Variants in KIF1C observed in about 807,000 individuals in gnomAD.
KIF1C encodes kinesin family member 1C, also known as kinesin-like protein KIF1C.
A neutral mutation model predicts 126.5 loss-of-function variants in KIF1C; 61 were observed. The ratio of observed to expected loss-of-function variants is 0.48; its 90% CI spans 0.39 to 0.60. The LOEUF (loss-of-function observed/expected upper bound fraction) is 0.60. Ranked by LOEUF, KIF1C falls within the 20% of genes least tolerant of loss-of-function variation. The pLI is 0.00. For synonymous variants in KIF1C, 640 were observed against 580.6 expected, an observed-to-expected ratio of 1.10 and a Z score of -1.47; for missense variants, 1,315 against 1,489.2, an observed-to-expected ratio of 0.88 and a Z score of 1.93.
chr17:5,027,484 G>T lies in KIF1C; in HGVS notation c.*3333G>T. ...TTGCTATGTTGCCCAGGCTGAACTCGAACTCCTGGGCTCAAGCAATCCTGC... is the reference window on the plus strand; with the variant it reads ...TTGCTATGTTGCCCAGGCTGAACTCTAACTCCTGGGCTCAAGCAATCCTGC... On this transcript the variant is annotated 3_prime_UTR_variant, in exon 23 of 23. Coordinates refer to ENST00000320785, the MANE Select transcript of KIF1C (RefSeq NM_006612.6). 1 of 152,208 alleles carries T rather than the reference G, an allele frequency of 6.6e-6. No individual in the cohort carries two copies. Among genetic ancestry groups the T allele is most frequent in the South Asian group, 2.0e-4 (1 of 4,962 alleles). The allele number at this position is 152,208 out of a possible 1,614,324, so 9.4% of individuals were successfully genotyped here. A position where few individuals can be genotyped will look rare whatever the true frequency, so the allele number is the denominator to read the frequency against.
At chr17:5,003,562 C>T in intron 8 of KIF1C, 50 bp from the exon 9 acceptor site, 3 of 1,356,572 alleles carry the variant, frequency 2.2e-6, no homozygotes, top group South Asian at 2.6e-5. Context: ...GATTTCCCTG[C>T]CCCGTCCCCC....
intron 21 of KIF1C, 136 bp from the exon 22 acceptor site, chr17:5,021,956 C>A: frequency 1.1e-6 from 1 of 930,058 alleles, no homozygotes; most frequent in Middle Eastern, 3.4e-4. Flanking sequence ...CAAGGGTGCG[C>A]TGTTGGGGTG....
chr17:5,007,191 AG>A (rs1974754552), intron 14 of KIF1C, 71 bp from the exon 15 acceptor site: 1 of 1,569,694 alleles, frequency 6.4e-7, no homozygotes, highest in Admixed American at 1.8e-5. Context: ...GCATGGCCCC[AG>A]GGTAGGTTGT....
Position 5,007,066 on chromosome 17 carries a change from A to G in KIF1C, c.1317A>G (p.Glu439=). Residue 439 remains glutamate, a synonymous_variant, in exon 14 of 23, where the codon GAA becomes GAG. Transcript: ENST00000320785. ...CGGAGTCCCAGATTGGGCCTGAGGA[A>G]GCCATGGAGAGGCTGCAGGTGGGAA... ...PNTESQIGPE[E]AMERLQETEK... The G allele has an allele frequency of 7.5e-6, 12 of 1,592,642 alleles. No individual in the cohort carries two copies. The highest frequency in any genetic ancestry group is 8.5e-6 in the Non-Finnish European group (10 of 1,172,718).
chr17:5,013,519 G>A (rs1363015562), intron 16 of KIF1C, 134 bp from the exon 17 acceptor site: 1 of 670,694 alleles, frequency 1.5e-6, no homozygotes, highest in Non-Finnish European at 2.7e-6. Flanking sequence ...CAGAGGGCAG[G>A]AGAGCTCTCC....
intron 11 of KIF1C, 52 bp from the exon 12 acceptor site, chr17:5,004,515 C>T: frequency 1.3e-6 from 2 of 1,562,760 alleles, no homozygotes; most frequent in Middle Eastern, 3.4e-4. Context: ...CCCGGTCTGA[C>T]TTTGCTTAGC....
intron 16 of KIF1C, among the ~76,000 whole-genome samples, chr17:5,010,471 G>C (rs371666847): frequency 2.6e-5 from 4 of 152,140 alleles, no homozygotes; most frequent in African/African-American, 9.6e-5. Context: ...AATCTAGGCC[G>C]GGTGCGGTGG....
In KIF1C at chr17:5,020,070, C is replaced by T. The variant is rs112491733; in HGVS notation, c.1741C>T (p.Leu581=). The part of the protein sequence containing the change: ...NGKLVTEPLV[L]KSGNRIVMGK... The stretch of plus-strand genomic sequence containing the variant: ...GAAGCTTGTGACGGAGCCGCTGGTG[C>T]TGAAGTCAGGTAGAAGATGTGTCGC... The change falls in exon 19 of 23, where the codon CTG becomes TTG. Residue 581 remains leucine, a synonymous_variant. Coordinates refer to ENST00000320785, the MANE Select transcript of KIF1C (RefSeq NM_006612.6). This position sits in a 1 kb window ranked among gnomAD's most constrained non-coding sequence, Gnocchi z 5.8. 2.0e-5 allele frequency: 32 copies of T among 1,591,150 alleles called. No homozygotes were observed. Among genetic ancestry groups the T allele is most frequent in the African/African-American group, 1.5e-4 (11 of 74,572 alleles).
At position 5,027,983 on chromosome 17, in the gene KIF1C, G is replaced by A. The variant is rs1975237066; in HGVS notation, c.*3832G>A. The A allele has an allele frequency of 6.6e-6, 1 of 152,102 alleles. No individual in the cohort carries two copies. Among genetic ancestry groups the A allele is most frequent in the Admixed American group, 6.6e-5 (1 of 15,246 alleles). 9.4% of individuals were successfully genotyped at this position (152,102 alleles called of 1,614,324 possible). ...ATATATAAAAATAAAAAGAACATCA[G>A]ACATCACCATCACCTCGCTTAGAAT... On this transcript the variant is annotated 3_prime_UTR_variant, in exon 23 of 23. Coordinates refer to ENST00000320785, the MANE Select transcript of KIF1C (RefSeq NM_006612.6).
chr17:5,002,975 C>G (rs770487259), intron 8 of KIF1C, 133 bp downstream of exon 8: 1 of 654,088 alleles, frequency 1.5e-6, no homozygotes, highest in African/African-American at 1.8e-5. Context: ...CTACCATGAC[C>G]GCGCCCCACC....
chr17:5,003,396 C>A (rs1391060205), intron 8 of KIF1C, among the ~76,000 whole-genome samples: 1 of 152,160 alleles, frequency 6.6e-6, no homozygotes, highest in African/African-American at 2.4e-5. Context: ...TGTCCCTTGT[C>A]CATGCCTGCG....
chr17:5,001,122 G>A, intron 4 of KIF1C, 100 bp from the exon 5 acceptor site: 2 of 1,275,890 alleles, frequency 1.6e-6, no homozygotes, highest in Admixed American at 1.8e-5. Flanking sequence ...AGGACATTTG[G>A]GGAATCGTCA....
Position 5,020,893 on chromosome 17 carries a change from G to C in KIF1C, c.2010+15G>C. Reference sequence around the variant, plus strand: ...AGCAGCGACTGGTGAGGGGCAGCAGGGGCTGGGGATGGGCTGATGGGCAGA... The same window carrying C: ...AGCAGCGACTGGTGAGGGGCAGCAGCGGCTGGGGATGGGCTGATGGGCAGA... On this transcript the variant is annotated intron_variant, in intron 21 of 22. Coordinates refer to ENST00000320785, the MANE Select transcript of KIF1C (RefSeq NM_006612.6). This position sits in a 1 kb window ranked among gnomAD's most constrained non-coding sequence, Gnocchi z 5.8. 6.4e-7 allele frequency: 1 copy of C among 1,566,810 alleles called. No homozygotes were observed. Among genetic ancestry groups the C allele is most frequent in the Non-Finnish European group, 8.7e-7 (1 of 1,155,508 alleles).
intron 18 of KIF1C, among the ~76,000 whole-genome samples, chr17:5,017,293 C>CTT (rs34140025): frequency 0.022 from 1,861 of 85,116 alleles, 7 homozygotes; most frequent in Non-Finnish European, 0.025. Flanking sequence ...GGCCTTGGTT[C>CTT]TTTTTTTTTT....
rs1302290536 is a variant in KIF1C at position 5,027,193 on chromosome 17, A to G, written c.*3042A>G. 2 of 152,176 alleles carry G rather than the reference A, an allele frequency of 1.3e-5. No individual in the cohort carries two copies. The highest frequency in any genetic ancestry group is 4.8e-5 in the African/African-American group (2 of 41,434). The allele number at this position is 152,176 out of a possible 1,614,324, so 9.4% of individuals were successfully genotyped here. A position where few individuals can be genotyped will look rare whatever the true frequency, so the allele number is the denominator to read the frequency against. On this transcript the variant is annotated 3_prime_UTR_variant, in exon 23 of 23. Coordinates refer to ENST00000320785, the MANE Select transcript of KIF1C (RefSeq NM_006612.6). The stretch of plus-strand genomic sequence containing the variant: ...GCCTAGGCTGGAGTGCGATGGCACA[A>G]TCTTGGCTCACTACAACCTCCGCTT...
intron 17 of KIF1C, chr17:5,014,240 G>A (rs1315547676): frequency 5.9e-6 from 1 of 168,202 alleles, no homozygotes; most frequent in Non-Finnish European, 1.3e-5. Flanking sequence ...GGTAGGGAGT[G>A]AGCTCTCAGG....
chr17:5,014,979 T>C, intron 18 of KIF1C, 142 bp downstream of exon 18: 1 of 672,392 alleles, frequency 1.5e-6, no homozygotes, highest in Non-Finnish European at 2.6e-6. Context: ...TCAGAGGGGC[T>C]TGGGGCTCAT....
At position 5,015,121 on chromosome 17, in the gene KIF1C, T is replaced by C. The variant is rs1974945316; in HGVS notation, c.1666+284T>C. 2.0e-5 allele frequency among the ~76,000 whole-genome samples: 3 copies of C among 152,216 alleles called. No individual in the cohort carries two copies. In the South Asian group the frequency reaches 6.2e-4, roughly 32 times the overall value. ...CACTAGTGAGCCAGAGTGTGGGATT[T>C]TGCTGAAGAGAAGATCCTGCCCTTC... On this transcript the variant is annotated intron_variant, in intron 18 of 22. Transcript: ENST00000320785.
Position 5,007,033 on chromosome 17 carries a change from C to T in KIF1C, c.1284C>T (p.Ser428=), listed in dbSNP as rs758493561. The change falls in exon 14 of 23, where the codon TCC becomes TCT. Residue 428 remains serine, a synonymous_variant. Transcript: ENST00000320785. ...ATGGGGAGCTGGAGCCGTCATTCTC[C>T]CCCAACACGGAGTCCCAGATTGGGC... ...THNGELEPSF[S]PNTESQIGPE... is the part of the protein sequence containing the mutation. The T allele has an allele frequency of 6.2e-7, 1 of 1,608,082 alleles. No individual in the cohort carries two copies. The highest frequency in any genetic ancestry group is 8.5e-7 in the Non-Finnish European group (1 of 1,178,352).
Sources: allele counts gnomAD v4.1 joint callset (sites outside exome capture counted in the v4.1 genomes callset), GRCh38; gene constraint gnomAD v4.1.1; non-coding constraint Gnocchi (gnomAD v3.1); transcripts MANE v1.5; gene names NCBI Gene and HGNC (gene_info 2026-07-23, HGNC 2026-07-21).